The following DNAJB6 variants were observed in gnomAD, a reference collection of about 807,000 sequenced individuals.
DNAJB6 encodes the protein dnaJ homolog subfamily B member 6.
DNAJB6 carries 16 observed loss-of-function variants against 42.7 expected under a neutral mutation model. The ratio of observed to expected loss-of-function variants is 0.37; its 90% confidence interval spans 0.25 to 0.57. The LOEUF (loss-of-function observed/expected upper bound fraction) is 0.57, where lower values mean the gene tolerates loss of function less well. Among genes scored for constraint, DNAJB6 ranks in the 20% least tolerant of loss-of-function variants. DNAJB6 has a pLI of 0.74. For missense variants in DNAJB6, 347 were observed against 416.8 expected (o/e 0.83, Z 1.46); for synonymous variants, 170 against 163.5 (o/e 1.04, Z -0.30).
chr7:157,409,115 G>T (rs1322715225), intron 8 of DNAJB6, among the ~76,000 whole-genome samples: 5 of 152,176 alleles, frequency 3.3e-5, no homozygotes, highest in Admixed American at 2.0e-4. Context: ...ATTCCTCAGC[G>T]TTCAAAACAT....
At chr7:157,340,998 G>GTGAGCGCGCGCT (rs67210462) in intron 1 of DNAJB6, among the ~76,000 whole-genome samples, 1 of 134,960 alleles carries the variant, frequency 7.4e-6, no homozygotes, top group African/African-American at 3.2e-5. Context: ...GTGTGTGTGT[G>GTGAGCGCGCGCT]CGCGCGCGCA....
At chr7:157,362,070 T>A (rs964874150) in intron 2 of DNAJB6, among the ~76,000 whole-genome samples, 1 of 152,164 alleles carries the variant, frequency 6.6e-6, no homozygotes, top group Non-Finnish European at 1.5e-5. Flanking sequence ...CCGGCCTTTT[T>A]TTTTGTATTT....
intron 6 of DNAJB6, 136 bp from the exon 7 acceptor site, chr7:157,384,731 G>C: frequency 1.2e-6 from 1 of 822,474 alleles, no homozygotes; most frequent in South Asian, 1.8e-5. Flanking sequence ...CTGAGGCCTT[G>C]ATAGTTGCGT....
intron 8 of DNAJB6, among the ~76,000 whole-genome samples, chr7:157,402,244 G>C (rs1301794310): frequency 6.6e-6 from 1 of 152,220 alleles, no homozygotes; most frequent in Non-Finnish European, 1.5e-5. Context: ...CCCAGGCGGG[G>C]TCCACCCTGG....
chr7:157,412,359 A>G (rs1796004246), intron 9 of DNAJB6: 1 of 152,200 alleles, frequency 6.6e-6, no homozygotes. Flanking sequence ...TCATTATACA[A>G]TGAGCACCTG....
At chr7:157,343,540 C>T (rs1348853606) in intron 1 of DNAJB6, among the ~76,000 whole-genome samples, 1 of 152,052 alleles carries the variant, frequency 6.6e-6, no homozygotes, top group Non-Finnish European at 1.5e-5. Flanking sequence ...GTGATCTCAG[C>T]TCACTGCAAA....
intron 8 of DNAJB6, among the ~76,000 whole-genome samples, chr7:157,400,674 C>T (rs1288658375): frequency 6.6e-6 from 1 of 152,182 alleles, no homozygotes; most frequent in East Asian, 1.9e-4. Flanking sequence ...CCGCCTGGCA[C>T]GTGTCAGCTG....
intron 8 of DNAJB6, among the ~76,000 whole-genome samples, chr7:157,405,578 G>A (rs1301193477): frequency 1.3e-5 from 2 of 152,222 alleles, no homozygotes; most frequent in Non-Finnish European, 2.9e-5. Context: ...CCCTGAACAT[G>A]GAGAGCCACT....
At chr7:157,369,560 A>C (rs1484384019) in intron 5 of DNAJB6, 8 of 346,066 alleles carry the variant, frequency 2.3e-5, no homozygotes, top group South Asian at 1.7e-4. Context: ...GGGCTTTCTT[A>C]CCATTATTAT....
At chr7:157,407,168 AGAGCCAGGAT>A (rs547992216) in intron 8 of DNAJB6, among the ~76,000 whole-genome samples, 137 of 152,354 alleles carry the variant, frequency 9.0e-4, no homozygotes, top group African/African-American at 3.2e-3. Context: ...TGGGCTTCCC[AGAGCCAGGAT>A]GAGCCAGGAT....
intron 1 of DNAJB6, among the ~76,000 whole-genome samples, chr7:157,347,639 T>G (rs1032175078): frequency 1.3e-5 from 2 of 152,218 alleles, no homozygotes; most frequent in African/African-American, 4.8e-5. Flanking sequence ...GTGTGACACG[T>G]GAGTCAGTAA....
chr7:157,379,278 T>A (rs931748293), intron 5 of DNAJB6: 1 of 152,200 alleles, frequency 6.6e-6, no homozygotes. Flanking sequence ...ATGTAAAAGC[T>A]CAGTGCCTTG....
chr7:157,344,783 T>C (rs991294236), intron 1 of DNAJB6, among the ~76,000 whole-genome samples: 6 of 151,770 alleles, frequency 4.0e-5, no homozygotes, highest in African/African-American at 1.5e-4. Context: ...CCTACTGAGT[T>C]TTTATATTTC....
At chr7:157,362,396 C>G (rs201555205) in intron 2 of DNAJB6, among the ~76,000 whole-genome samples, 2 of 152,138 alleles carry the variant, frequency 1.3e-5, no homozygotes, top group Admixed American at 1.3e-4. Flanking sequence ...TTTTTTGAGA[C>G]GGAGTTTCGC....
chr7:157,384,652 C>A (rs899920037), intron 6 of DNAJB6, among the ~76,000 whole-genome samples: 1 of 152,190 alleles, frequency 6.6e-6, no homozygotes, highest in African/African-American at 2.4e-5. Context: ...TGCACTCTCG[C>A]GTTGCCCTAG....
intron 5 of DNAJB6, among the ~76,000 whole-genome samples, chr7:157,369,698 T>C (rs563093205): frequency 7.0e-4 from 104 of 149,372 alleles, no homozygotes; most frequent in Middle Eastern, 3.4e-3. Flanking sequence ...AGGCCTTTCA[T>C]AACGTTATTA....
chr7:157,409,565 GGAGA>G (rs377287193), intron 8 of DNAJB6, among the ~76,000 whole-genome samples: 1 of 152,200 alleles, frequency 6.6e-6, no homozygotes, highest in African/African-American at 2.4e-5. Flanking sequence ...GCTTCTTCCA[GGAGA>G]GAGAGAGGGG....
At chr7:157,374,288 TCTCA>T (rs1013263048) in intron 5 of DNAJB6, among the ~76,000 whole-genome samples, 13 of 152,042 alleles carry the variant, frequency 8.6e-5, no homozygotes, top group African/African-American at 2.9e-4. Flanking sequence ...TGAGATGGAG[TCTCA>T]CTCTGTCGCC....
intron 5 of DNAJB6, among the ~76,000 whole-genome samples, chr7:157,374,559 G>T (rs1004597608): frequency 6.6e-6 from 1 of 152,062 alleles, no homozygotes; most frequent in Non-Finnish European, 1.5e-5. Flanking sequence ...GTGCCAGGCC[G>T]TTCATTTCTA....
Sources: allele counts gnomAD v4.1 joint callset (sites outside exome capture counted in the v4.1 genomes callset), GRCh38; gene constraint gnomAD v4.1.1; transcripts MANE v1.5; gene names NCBI Gene and HGNC (gene_info 2026-07-23, HGNC 2026-07-21).